The following CNTN4 variants were observed in gnomAD, a reference collection of about 807,000 sequenced individuals.
CNTN4 encodes the protein contactin 4.
CNTN4 carries 77 observed loss-of-function variants against 122.5 expected under a neutral mutation model. The observed-to-expected ratio is 0.63, with a 90% CI of 0.52 to 0.76. The LOEUF is 0.76. Among genes scored for constraint, CNTN4 ranks in the 30% least tolerant of loss-of-function variants. The pLI is 0.00. For missense variants in CNTN4, 1,256 were observed against 1,259.1 expected (o/e 1.00, Z 0.04); for synonymous variants, 512 against 447.0 (o/e 1.15, Z -1.83).
At chr3:2,670,412 A>C (rs2084435304) in intron 4 of CNTN4, among the ~76,000 whole-genome samples, 1 of 152,092 alleles carries the variant, frequency 6.6e-6, no homozygotes, top group Non-Finnish European at 1.5e-5. Context: ...CTAGGATTGC[A>C]ACCCCTGCCT....
At chr3:2,490,895 C>T (rs1290292041) in intron 3 of CNTN4, among the ~76,000 whole-genome samples, 1 of 152,138 alleles carries the variant, frequency 6.6e-6, no homozygotes, top group Non-Finnish European at 1.5e-5. Flanking sequence ...TTCCAAAGTA[C>T]TATGTTTAGC....
intron 4 of CNTN4, among the ~76,000 whole-genome samples, chr3:2,730,122 T>G (rs1006354256): frequency 6.6e-6 from 1 of 152,068 alleles, no homozygotes; most frequent in Admixed American, 6.5e-5. Context: ...AGACTTTGGT[T>G]TTTTGTGGGG....
chr3:2,218,670 T>G (rs1183599), intron 2 of CNTN4, among the ~76,000 whole-genome samples: 45,882 of 152,166 alleles, frequency 0.3, 7,316 homozygotes, highest in African/African-American at 0.37. Flanking sequence ...TACACACGTA[T>G]GTAGTACTAA....
At chr3:2,176,759 A>T (rs946404150) in intron 2 of CNTN4, among the ~76,000 whole-genome samples, 2 of 152,138 alleles carry the variant, frequency 1.3e-5, no homozygotes, top group Admixed American at 1.3e-4. Flanking sequence ...AGCTTAGGAG[A>T]TTGATTGCTT....
intron 2 of CNTN4, among the ~76,000 whole-genome samples, chr3:2,131,628 C>T (rs990150242): frequency 3.9e-5 from 6 of 152,148 alleles, no homozygotes; most frequent in African/African-American, 1.4e-4. Flanking sequence ...ATGTGATTCA[C>T]GTGAGACAGC....
At chr3:2,384,845 C>G (rs1306168715) in intron 3 of CNTN4, among the ~76,000 whole-genome samples, 1 of 151,912 alleles carries the variant, frequency 6.6e-6, no homozygotes, top group Non-Finnish European at 1.5e-5. Context: ...TAATTTTTAC[C>G]TATCTTTTTT....
intron 4 of CNTN4, among the ~76,000 whole-genome samples, chr3:2,592,476 G>A (rs573058923): frequency 2.7e-4 from 41 of 152,292 alleles, no homozygotes; most frequent in Non-Finnish European, 5.0e-4. Context: ...GGGACGTACC[G>A]GGTAAGAGAT....
Position 2,736,308 on chromosome 3 carries a change from G to T in CNTN4, c.149G>T (p.Cys50Phe). The T allele has an allele frequency of 6.2e-7, 1 of 1,613,748 alleles. No individual in the cohort carries two copies. The highest frequency in any genetic ancestry group is 8.5e-7 in the Non-Finnish European group (1 of 1,179,792). Residue 50 changes from cysteine to phenylalanine, a missense_variant, in exon 5 of 25, where the codon TGT becomes TTT. Cys to Phe is a radical substitution (Grantham distance 205). Coordinates refer to ENST00000418658, the MANE Select transcript of CNTN4 (RefSeq NM_175607.3). ...GAGGAGAAAAAAGTGAAGCTCAATT[G>T]TGAAGTTAAAGGAAATCCAAAACCT... is the stretch of plus-strand genomic sequence containing the variant. ...DSEEKKVKLN[C>F]EVKGNPKPHI...
intron 3 of CNTN4, among the ~76,000 whole-genome samples, chr3:2,418,188 T>C (rs11719351): frequency 0.19 from 28,774 of 152,150 alleles, 3,305 homozygotes; most frequent in Middle Eastern, 0.28. Context: ...ATAATAAATA[T>C]ACCGCTGGTG....
intron 4 of CNTN4, among the ~76,000 whole-genome samples, chr3:2,628,007 G>T (rs145495709): frequency 7.2e-5 from 11 of 152,280 alleles, no homozygotes; most frequent in African/African-American, 2.6e-4. Context: ...TGTACAAATT[G>T]ATGAGGGACT....
At chr3:2,821,031 G>A (rs1017276318) in intron 7 of CNTN4, among the ~76,000 whole-genome samples, 2 of 139,686 alleles carry the variant, frequency 1.4e-5, no homozygotes, top group Non-Finnish European at 3.0e-5. Context: ...GTGCAATCTC[G>A]GCTCACTGCA....
chr3:2,529,975 A>C (rs903923350), intron 3 of CNTN4, among the ~76,000 whole-genome samples: 1 of 152,138 alleles, frequency 6.6e-6, no homozygotes, highest in Non-Finnish European at 1.5e-5. Context: ...TTCATCAATG[A>C]AAATAAAAAA....
At chr3:2,484,043 T>C (rs941358762) in intron 3 of CNTN4, among the ~76,000 whole-genome samples, 3 of 152,160 alleles carry the variant, frequency 2.0e-5, no homozygotes, top group Non-Finnish European at 2.9e-5. Context: ...GGAGAAAACA[T>C]TGGCAAAGAC....
chr3:2,721,207 G>C (rs1191458272), intron 4 of CNTN4, among the ~76,000 whole-genome samples: 1 of 151,968 alleles, frequency 6.6e-6, no homozygotes, highest in Non-Finnish European at 1.5e-5. Context: ...CCTGACCTCA[G>C]GTGATCCACC....
At chr3:2,144,045 A>C (rs1316213737) in intron 2 of CNTN4, 1 of 152,226 alleles carries the variant, frequency 6.6e-6, no homozygotes, top group Non-Finnish European at 1.5e-5. Flanking sequence ...AAGAAGATGA[A>C]GTAGAATTAG....
intron 12 of CNTN4, 58 bp from the exon 13 acceptor site, chr3:2,925,571 G>A (rs1347840933): frequency 2.6e-6 from 4 of 1,536,768 alleles, no homozygotes; most frequent in Non-Finnish European, 3.6e-6. Flanking sequence ...AAAAGACTAA[G>A]GAATTATCTC....
At chr3:2,122,926 T>C (rs945172465) in intron 2 of CNTN4, among the ~76,000 whole-genome samples, 8 of 152,312 alleles carry the variant, frequency 5.3e-5, no homozygotes, top group East Asian at 1.9e-4. Context: ...TAAGAGCTCA[T>C]TGAATGTCTC....
intron 23 of CNTN4, among the ~76,000 whole-genome samples, chr3:3,050,141 A>C (rs1172782152): frequency 6.6e-6 from 1 of 152,202 alleles, no homozygotes; most frequent in Admixed American, 6.5e-5. Context: ...CTGTTAATAC[A>C]GTTAAAATGG....
chr3:2,365,988 T>G (rs932818909), intron 3 of CNTN4, among the ~76,000 whole-genome samples: 4 of 152,236 alleles, frequency 2.6e-5, no homozygotes, highest in African/African-American at 9.6e-5. Flanking sequence ...TTGTAGACAT[T>G]TTTCAAAGCA....
Sources: allele counts gnomAD v4.1 joint callset (sites outside exome capture counted in the v4.1 genomes callset), GRCh38; gene constraint gnomAD v4.1.1; transcripts MANE v1.5; gene names NCBI Gene and HGNC (gene_info 2026-07-23, HGNC 2026-07-21).